DIAPH3: variants seen among roughly 807,000 people sequenced by gnomAD.
The protein encoded by DIAPH3 is diaphanous related formin 3, also known as protein diaphanous homolog 3.
Under a neutral mutation model 144.3 loss-of-function variants are expected in DIAPH3, and 117 were observed. The ratio of observed to expected loss-of-function variants is 0.81; its 90% CI spans 0.70 to 0.95. The LOEUF is 0.95. Ranked by LOEUF, DIAPH3 falls within the 40% of genes least tolerant of loss-of-function variation. The pLI is 0.00. For synonymous variants in DIAPH3, 519 were observed against 488.9 expected, an observed-to-expected ratio of 1.06 and a Z score of -0.81; for missense variants, 1,421 against 1,412.7, an observed-to-expected ratio of 1.01 and a Z score of -0.09.
intron 4 of DIAPH3, among the ~76,000 whole-genome samples, chr13:60,047,046 G>A (rs1318155650): frequency 1.3e-5 from 2 of 152,026 alleles, no homozygotes; most frequent in South Asian, 4.1e-4. Flanking sequence ...GATAGGTGCA[G>A]CAAATCACCA....
At chr13:59,819,889 A>C (rs768954835) in intron 24 of DIAPH3, among the ~76,000 whole-genome samples, 1 of 152,082 alleles carries the variant, frequency 6.6e-6, no homozygotes, top group African/African-American at 2.4e-5. Context: ...CTGTGTGACT[A>C]TGCCTCAGTT....
chr13:60,091,206 GTTAT>G (rs146779914), intron 4 of DIAPH3, among the ~76,000 whole-genome samples: 131 of 152,200 alleles, frequency 8.6e-4, no homozygotes, highest in Non-Finnish European at 1.6e-3. Flanking sequence ...TCACCAGTCT[GTTAT>G]TTTTTTTCCA....
chr13:59,708,424 T>TC (rs1369961671), intron 27 of DIAPH3, among the ~76,000 whole-genome samples: 1 of 152,076 alleles, frequency 6.6e-6, no homozygotes, highest in East Asian at 1.9e-4. Flanking sequence ...GCACTAAAAT[T>TC]CCCCTTCTTC....
chr13:60,096,941 T>C (rs1377539720), intron 3 of DIAPH3, among the ~76,000 whole-genome samples: 2 of 152,186 alleles, frequency 1.3e-5, no homozygotes, highest in East Asian at 3.9e-4. Context: ...TAGGACTTCT[T>C]GCCCTTTATA....
intron 22 of DIAPH3, among the ~76,000 whole-genome samples, chr13:59,847,989 T>C (rs2042745027): frequency 6.6e-6 from 1 of 152,212 alleles, no homozygotes; most frequent in South Asian, 2.1e-4. Flanking sequence ...CATTAGTTTT[T>C]ATAACTCTTT....
At chr13:59,681,941 C>G (rs965656865) in intron 27 of DIAPH3, among the ~76,000 whole-genome samples, 5 of 152,102 alleles carry the variant, frequency 3.3e-5, no homozygotes, top group African/African-American at 1.2e-4. Context: ...TATATCAGTA[C>G]AATGAACCAA....
chr13:60,090,006 G>A (rs1273252673), intron 4 of DIAPH3, among the ~76,000 whole-genome samples: 3 of 152,124 alleles, frequency 2.0e-5, no homozygotes, highest in African/African-American at 7.2e-5. Context: ...AAGAGTCTAG[G>A]GGCAGGAATG....
At chr13:59,981,385 G>T (rs1392475253) in intron 13 of DIAPH3, among the ~76,000 whole-genome samples, 3 of 151,266 alleles carry the variant, frequency 2.0e-5, no homozygotes, top group African/African-American at 7.3e-5. Flanking sequence ...TAAGAACTTT[G>T]CTGATGAAAA....
chr13:60,016,974 T>C (rs1332741505), intron 5 of DIAPH3, among the ~76,000 whole-genome samples: 1 of 152,016 alleles, frequency 6.6e-6, no homozygotes, highest in African/African-American at 2.4e-5. Context: ...CAATAAATAA[T>C]AACAATGATA....
chr13:60,000,299 C>G (rs1594284646), intron 9 of DIAPH3, among the ~76,000 whole-genome samples: 1 of 152,004 alleles, frequency 6.6e-6, no homozygotes, highest in African/African-American at 2.4e-5. Context: ...ATCACCATAG[C>G]TTAAGAAGCC....
intron 2 of DIAPH3, among the ~76,000 whole-genome samples, chr13:60,112,656 A>C (rs1207766480): frequency 6.6e-6 from 1 of 152,132 alleles, no homozygotes; most frequent in Admixed American, 6.6e-5. Context: ...AATTTTTAGG[A>C]ATTGAATTCT....
chr13:59,816,486 T>A lies in DIAPH3; in HGVS notation c.3028-5563A>T, dbSNP rs917826614. 2.6e-5 allele frequency among the ~76,000 whole-genome samples: 4 copies of A among 151,606 alleles called. No homozygotes were observed. The East Asian group carries it at 7.8e-4, about 29-fold the overall frequency. On this transcript the variant is annotated intron_variant, in intron 24 of 27. Transcript: ENST00000400324. ...CTATTTTCTGTATCTTTAGTTATGT[T>A]CCTTTTTATATCCTCAATATTATTT...
chr13:59,856,899 TAA>T (rs55944808), intron 22 of DIAPH3, among the ~76,000 whole-genome samples: 9,280 of 139,890 alleles, frequency 0.066, 319 homozygotes, highest in Admixed American at 0.11. Flanking sequence ...CAGATATTGG[TAA>T]AAAAAAAAAA....
At chr13:59,838,621 T>C (rs2042166156) in intron 23 of DIAPH3, 1 of 152,204 alleles carries the variant, frequency 6.6e-6, no homozygotes, top group Admixed American at 6.5e-5. Flanking sequence ...TGAAGTCTTG[T>C]ATCTGCTTCC....
intron 4 of DIAPH3, among the ~76,000 whole-genome samples, chr13:60,049,309 T>C (rs2056226755): frequency 1.3e-5 from 2 of 152,190 alleles, no homozygotes; most frequent in Admixed American, 1.3e-4. Context: ...GGAGGCAACA[T>C]TTTAAATAGG....
In DIAPH3 at chr13:60,139,667, A is replaced by G. The variant is rs371132880; in HGVS notation, c.181-6678T>C. 1.4e-4 allele frequency among the ~76,000 whole-genome samples: 22 copies of G among 152,268 alleles called. 1 individual carries two copies. The South Asian group carries it at 4.4e-3, about 30-fold the overall frequency. On this transcript the variant is annotated intron_variant, in intron 1 of 27. Coordinates refer to ENST00000400324, the MANE Select transcript of DIAPH3 (RefSeq NM_001042517.2). ...GCCTCTGTAGAAAAAAACAATTATCATATTGTGGCTTGGGACTCTGACCTA... is the reference window on the plus strand; with the variant it reads ...GCCTCTGTAGAAAAAAACAATTATCGTATTGTGGCTTGGGACTCTGACCTA...
chr13:60,050,005 C>T (rs1194337123), intron 4 of DIAPH3, among the ~76,000 whole-genome samples: 5 of 152,150 alleles, frequency 3.3e-5, no homozygotes, highest in Non-Finnish European at 5.9e-5. Flanking sequence ...TACTGGGCAA[C>T]ACAGTGAGAC....
rs1365471247 is a variant in DIAPH3, at chr13:59,666,859, A to T, written c.3320-13T>A. On this transcript the variant is annotated splice_polypyrimidine_tract_variant and intron_variant, in intron 27 of 27. Coordinates refer to ENST00000400324, the MANE Select transcript of DIAPH3 (RefSeq NM_001042517.2). ...ACTTTCTGATTTTCTACAGTAAGGAAAAAAGAAACATAAAACTTATCACCA... is the reference window on the plus strand; with the variant it reads ...ACTTTCTGATTTTCTACAGTAAGGATAAAAGAAACATAAAACTTATCACCA... 1.2e-6 allele frequency: 2 copies of T among 1,614,108 alleles called. No individual in the cohort carries two copies. Among genetic ancestry groups the T allele is most frequent in the Admixed American group, 3.3e-5 (2 of 60,022 alleles).
chr13:59,742,912 G>A (rs1488571216), intron 27 of DIAPH3, among the ~76,000 whole-genome samples: 1 of 152,146 alleles, frequency 6.6e-6, no homozygotes, highest in East Asian at 1.9e-4. Context: ...ACCACATTTT[G>A]AATCTTAATG....
Sources: allele counts gnomAD v4.1 joint callset (sites outside exome capture counted in the v4.1 genomes callset), GRCh38; gene constraint gnomAD v4.1.1; transcripts MANE v1.5; gene names NCBI Gene and HGNC (gene_info 2026-07-23, HGNC 2026-07-21).